The following PPP2R2C variants were observed in gnomAD, a reference collection of about 807,000 sequenced individuals.
PPP2R2C encodes the protein protein phosphatase 2 regulatory subunit Bgamma.
PPP2R2C carries 10 observed loss-of-function variants against 45.3 expected under a neutral mutation model. The observed-to-expected ratio is 0.22, with a 90% CI of 0.14 to 0.37. The LOEUF (loss-of-function observed/expected upper bound fraction) is 0.37. Ranked by LOEUF, PPP2R2C falls within the 10% of genes least tolerant of loss-of-function variation. The pLI is 1.00. For missense variants in PPP2R2C, 308 were observed against 619.7 expected, an observed-to-expected ratio of 0.50 and a Z score of 5.34; for synonymous variants, 257 against 245.4, an observed-to-expected ratio of 1.05 and a Z score of -0.44.
At chr4:6,419,426 T>TA (rs1415952787) in intron 1 of PPP2R2C, among the ~76,000 whole-genome samples, 1 of 141,072 alleles carries the variant, frequency 7.1e-6, no homozygotes, top group African/African-American at 2.5e-5. Context: ...AGACTCTGTC[T>TA]AAAAAAAGAA....
chr4:6,459,802 C>T (rs1037035615), intron 1 of PPP2R2C, among the ~76,000 whole-genome samples: 3 of 151,974 alleles, frequency 2.0e-5, no homozygotes, highest in Admixed American at 2.0e-4. Context: ...CACAAAAAAA[C>T]AGCAATTTTT....
intron 5 of PPP2R2C, chr4:6,351,404 G>A (rs1046550804): frequency 5.4e-5 from 53 of 982,654 alleles, no homozygotes; most frequent in Middle Eastern, 5.2e-4. Flanking sequence ...CCCGAGCCAC[G>A]GCAACCCAGG....
chr4:6,323,669 C>T, intron 8 of PPP2R2C, 76 bp from the exon 9 acceptor site: 1 of 1,389,816 alleles, frequency 7.2e-7, no homozygotes, highest in South Asian at 1.6e-5. Flanking sequence ...GGTGTGGGGG[C>T]TCACGCCCAT....
chr4:6,422,906 A>G (rs1719067682), intron 1 of PPP2R2C, among the ~76,000 whole-genome samples: 1 of 152,234 alleles, frequency 6.6e-6, no homozygotes, highest in Non-Finnish European at 1.5e-5. Context: ...AGAGTTTTTA[A>G]GTAACAACAA....
intron 5 of PPP2R2C, among the ~76,000 whole-genome samples, chr4:6,358,150 G>A (rs1215905719): frequency 6.6e-6 from 1 of 152,022 alleles, no homozygotes; most frequent in Non-Finnish European, 1.5e-5. Context: ...ATAGACCAAT[G>A]GAACAGAACA....
chr4:6,508,995 C>G (rs1723336044), intron 2 of PPP2R2C, among the ~76,000 whole-genome samples: 1 of 152,246 alleles, frequency 6.6e-6, no homozygotes, highest in African/African-American at 2.4e-5. Flanking sequence ...AGCTCTAAAA[C>G]TTGCCTCAGT....
intron 1 of PPP2R2C, chr4:6,381,562 G>A: frequency 7.1e-7 from 1 of 1,417,844 alleles, no homozygotes; most frequent in East Asian, 2.6e-5. Flanking sequence ...GCCCACTCAG[G>A]GCTTCCCACA....
chr4:6,403,986 C>T (rs1001925929), intron 1 of PPP2R2C, among the ~76,000 whole-genome samples: 2 of 152,186 alleles, frequency 1.3e-5, no homozygotes, highest in Non-Finnish European at 2.9e-5. Flanking sequence ...ACTGCCCTCT[C>T]TCTCCAACCT....
At chr4:6,511,804 GTGT>G (rs1560594400) in intron 2 of PPP2R2C, among the ~76,000 whole-genome samples, 4 of 15,230 alleles carry the variant, frequency 2.6e-4, no homozygotes, top group African/African-American at 9.1e-4. Context: ...GGTGATGGTG[GTGT>G]TGGTGGTGGT....
upstream of PPP2R2C, among the ~76,000 whole-genome samples, chr4:6,473,218 C>T (rs1393444378): frequency 6.6e-6 from 1 of 152,076 alleles, no homozygotes; most frequent in East Asian, 1.9e-4. Context: ...CCTCTCCTGA[C>T]GAGTGAGAAA....
At chr4:6,521,534 C>A (rs1316006373) in intron 2 of PPP2R2C, among the ~76,000 whole-genome samples, 15 of 152,202 alleles carry the variant, frequency 9.9e-5, no homozygotes, top group Admixed American at 9.8e-4. Context: ...GAGAGGAGCC[C>A]ACCCATTCAG....
upstream of PPP2R2C, among the ~76,000 whole-genome samples, chr4:6,477,004 AG>A (rs1722167904): frequency 6.6e-6 from 1 of 152,182 alleles, no homozygotes; most frequent in Non-Finnish European, 1.5e-5. Flanking sequence ...TCATATCACC[AG>A]CACTCTGGGA....
chr4:6,339,558 T>C (rs1239461524), intron 6 of PPP2R2C, among the ~76,000 whole-genome samples: 1 of 152,226 alleles, frequency 6.6e-6, no homozygotes, highest in African/African-American at 2.4e-5. Context: ...TCGTTGTCAG[T>C]GTGTGGACGA....
intron 2 of PPP2R2C, chr4:6,535,124 G>C (rs1420766933): frequency 1.1e-6 from 1 of 928,922 alleles, no homozygotes; most frequent in African/African-American, 1.7e-5. Context: ...GGGGCCCAGG[G>C]GCCAGAGCAG....
rs886518290 is a variant in PPP2R2C, at chr4:6,425,286, G to A, written c.71-44192C>T. On this transcript the variant is annotated intron_variant, in intron 1 of 8. Transcript: ENST00000382599. Reference sequence around the variant, plus strand: ...GAGCAGGCACTCTGACACGTCCAGTGTGAGCATCATTAAGAGCCCAATTGC... The same window carrying A: ...GAGCAGGCACTCTGACACGTCCAGTATGAGCATCATTAAGAGCCCAATTGC... Among the ~76,000 whole-genome samples the A allele has an allele frequency of 7.2e-5, 11 of 152,312 alleles. No homozygotes were observed. The East Asian group carries it at 7.7e-4, about 11-fold the overall frequency.
At position 6,472,284 on chromosome 4, in the gene PPP2R2C, C is replaced by T; in HGVS notation, c.-55G>A. 1.2e-6 allele frequency: 2 copies of T among 1,604,500 alleles called. No individual in the cohort carries two copies. The highest frequency in any genetic ancestry group is 1.7e-5 in the Admixed American group (1 of 59,586). On this transcript the variant is annotated 5_prime_UTR_variant, in exon 1 of 9. Coordinates refer to ENST00000382599, the MANE Select transcript of PPP2R2C (RefSeq NM_020416.4). ...CCCCGCCGCCACACACCGATGCAATCCGCAGAGGTCGCGCCGGGCGCGCGG... is the reference window on the plus strand; with the variant it reads ...CCCCGCCGCCACACACCGATGCAATTCGCAGAGGTCGCGCCGGGCGCGCGG...
Position 6,323,274 on chromosome 4 carries a change from G to T in PPP2R2C, c.*28C>A. The T allele has an allele frequency of 6.4e-7, 1 of 1,564,760 alleles. No individual in the cohort carries two copies. Among genetic ancestry groups the T allele is most frequent in the South Asian group, 1.2e-5 (1 of 84,018 alleles). On this transcript the variant is annotated 3_prime_UTR_variant, in exon 9 of 9. Coordinates refer to ENST00000382599, the MANE Select transcript of PPP2R2C (RefSeq NM_020416.4). The stretch of plus-strand genomic sequence containing the variant: ...GTCGGGGATGACTTGCATGAGGCTG[G>T]GTGGCAGGGGCCGGGAACTGCACAT...
In PPP2R2C at chr4:6,378,624, G is replaced by A. The variant is rs750867885; in HGVS notation, c.169-52C>T. 25 of 1,568,658 alleles carry A rather than the reference G, an allele frequency of 1.6e-5. No individual in the cohort carries two copies. The highest frequency in any genetic ancestry group is 3.5e-4 in the Middle Eastern group (2 of 5,642). On this transcript the variant is annotated intron_variant, in intron 2 of 8. Coordinates refer to ENST00000382599, the MANE Select transcript of PPP2R2C (RefSeq NM_020416.4). The surrounding 1 kb of genome is among the most constrained non-coding windows in gnomAD (Gnocchi z 5.2). ...TGAGCACCGTGACCTGCAGGGCGAC[G>A]GCTAGGACCTCCGGGGACCCAGCAG...
In PPP2R2C at chr4:6,377,601, G is replaced by A. The variant is rs185577344; in HGVS notation, c.334+806C>T. 1.7e-3 allele frequency among the ~76,000 whole-genome samples: 266 copies of A among 152,290 alleles called. 1 individual carries two copies. The highest frequency in any genetic ancestry group is 3.5e-3 in the Admixed American group (53 of 15,308). The stretch of plus-strand genomic sequence containing the variant: ...TTGAACCCGGGAGGCGGAGGTTGCC[G>A]TGAGCAGAGATCGCGCCACTCTACC... On this transcript the variant is annotated intron_variant, in intron 3 of 8. Transcript: ENST00000382599.
Sources: gnomAD v4.1 joint callset for allele counts (sites outside exome capture counted in the v4.1 genomes callset) on GRCh38, gnomAD v4.1.1 for gene constraint, Gnocchi (gnomAD v3.1) non-coding constraint, MANE v1.5 for transcripts, NCBI Gene and HGNC (gene_info 2026-07-23, HGNC 2026-07-21) for gene names.